SEPTIN6: variants seen among roughly 807,000 people sequenced by gnomAD.
SEPTIN6 encodes the protein septin-6.
Under a neutral mutation model 33.6 loss-of-function variants are expected in SEPTIN6, and 8 were observed. The observed-to-expected ratio is 0.24, with a 90% CI of 0.14 to 0.43. SEPTIN6 has a LOEUF of 0.43. Ranked by LOEUF, SEPTIN6 falls within the 20% of genes least tolerant of loss-of-function variation. The probability of loss-of-function intolerance (pLI) is 1.00; values close to 1 mark genes in which losing one functional copy is unlikely to be tolerated. For synonymous variants in SEPTIN6, 131 were observed against 140.0 expected (o/e 0.94, Z 0.45); for missense variants, 250 against 340.8 (o/e 0.73, Z 2.10).
At chrX:119,678,943 TTTC>T (rs905137459) in intron 1 of SEPTIN6, among the ~76,000 whole-genome samples, 1 of 110,338 alleles carries the variant, frequency 9.1e-6, no homozygotes, top group South Asian at 3.8e-4. Flanking sequence ...AAGAAAAAAT[TTTC>T]TTTTCTTTCC....
intron 7 of SEPTIN6, among the ~76,000 whole-genome samples, chrX:119,634,549 G>C (rs1312357575): frequency 9.0e-6 from 1 of 111,081 alleles, no homozygotes; most frequent in Non-Finnish European, 1.9e-5. Context: ...AAGTTCCTGA[G>C]CCTGGAGGAA....
intron 2 of SEPTIN6, among the ~76,000 whole-genome samples, chrX:119,672,829 C>T (rs996647796): frequency 1.8e-5 from 2 of 111,944 alleles, no homozygotes; most frequent in Non-Finnish European, 3.8e-5. Context: ...CTAATCATAA[C>T]CATCAGTTAG....
Position 119,619,984 on chromosome X carries a change from G to A in SEPTIN6, c.*109C>T. ...ATTGTATGCCCCCCAGGCATGTTAA[G>A]GGGGAAATTAGAGAAAGGGAGGCCC... On this transcript the variant is annotated 3_prime_UTR_variant, in exon 11 of 11. Transcript: ENST00000394610. 8.3e-7 allele frequency: 1 copy of A among 1,204,578 alleles called. No individual in the cohort carries two copies. Among genetic ancestry groups the A allele is most frequent in the Non-Finnish European group, 1.1e-6 (1 of 893,214 alleles).
chrX:119,617,371 AATTTATGTTCACTCATGGGTTCG>A lies in SEPTIN6; in HGVS notation c.*2699_*2721del. 1.2e-6 allele frequency: 1 copy of A among 804,191 alleles called. No individual in the cohort carries two copies. The highest frequency in any genetic ancestry group is 1.5e-6 in the Non-Finnish European group (1 of 670,023). The allele number at this position is 804,191 out of a possible 1,213,427, so 66.3% of individuals were successfully genotyped here. A position where few individuals can be genotyped will look rare whatever the true frequency, so the allele number is the denominator to read the frequency against. On this transcript the variant is annotated 3_prime_UTR_variant, in exon 11 of 11. Coordinates refer to ENST00000394610, the MANE Select transcript of SEPTIN6 (RefSeq NM_145799.4). The stretch of plus-strand genomic sequence containing the variant: ...ATTTTAATAGGTTGATCAACTTTTT[AATTTATGTTCACTCATGGGTTCG>A]ATTTTTGTTCACCAAACTTCCCTGA...
chrX:119,668,727 A>G (rs1484858019), intron 2 of SEPTIN6, among the ~76,000 whole-genome samples: 1 of 111,855 alleles, frequency 8.9e-6, no homozygotes, highest in Non-Finnish European at 1.9e-5. Context: ...TTGAAGCAGG[A>G]GGATCAGTTG....
intron 2 of SEPTIN6, among the ~76,000 whole-genome samples, chrX:119,672,192 T>C (rs1387163847): frequency 8.9e-6 from 1 of 111,793 alleles, no homozygotes; most frequent in Non-Finnish European, 1.9e-5. Flanking sequence ...AGCCATTTCC[T>C]GAAACTTGAC....
rs548401282 is a variant in SEPTIN6 at position 119,684,136 on chromosome X, G to A, written c.31-8468C>T. The stretch of plus-strand genomic sequence containing the variant: ...TGTATTTTTAGTTTAGTAGAGATGG[G>A]GTTTCACCATGTTGGCCAGGCTGGT... On this transcript the variant is annotated intron_variant, in intron 1 of 10. Coordinates refer to ENST00000394610, the MANE Select transcript of SEPTIN6 (RefSeq NM_145799.4). 1.9e-4 allele frequency among the ~76,000 whole-genome samples: 21 copies of A among 110,228 alleles called. No homozygotes were observed. The South Asian group carries it at 8.0e-3, about 42-fold the overall frequency.
chrX:119,658,487 C>G (rs752072636), intron 3 of SEPTIN6, among the ~76,000 whole-genome samples: 24 of 112,017 alleles, frequency 2.1e-4, no homozygotes, highest in Admixed American at 1.8e-3. Flanking sequence ...ATAACCAAAG[C>G]TACAGTGAAC....
chrX:119,688,704 C>G (rs2055100730), intron 1 of SEPTIN6, among the ~76,000 whole-genome samples: 1 of 90,829 alleles, frequency 1.1e-5, no homozygotes, highest in African/African-American at 5.5e-5. Context: ...AAGACTCCAT[C>G]TCGGGGAAAA....
chrX:119,660,202 C>T (rs902613625), intron 3 of SEPTIN6, among the ~76,000 whole-genome samples: 3 of 112,409 alleles, frequency 2.7e-5, no homozygotes, highest in South Asian at 3.6e-4. Context: ...GGTAGCTTTC[C>T]GCAGTATCCG....
In SEPTIN6 at chrX:119,644,357, CTACAG is replaced by C. The variant is rs1465859433; in HGVS notation, c.691-3574_691-3570del. Among the ~76,000 whole-genome samples, 12 of 110,738 alleles carry C rather than the reference CTACAG, an allele frequency of 1.1e-4. No homozygotes were observed. The Admixed American group carries it at 1.2e-3, about 11-fold the overall frequency. On this transcript the variant is annotated intron_variant, in intron 5 of 10. Coordinates refer to ENST00000394610, the MANE Select transcript of SEPTIN6 (RefSeq NM_145799.4). ...ATCTGTCTTAGTGCATTTTGTCTTG[CTACAG>C]TAAACTACCTGAGACTGAGTAATTT... is the stretch of plus-strand genomic sequence containing the variant.
intron 10 of SEPTIN6, 36 bp from the exon 11 acceptor site, chrX:119,620,087 A>G (rs1159385364): frequency 9.7e-7 from 1 of 1,028,873 alleles, no homozygotes; most frequent in South Asian, 2.0e-5. Flanking sequence ...TAATGAATGG[A>G]TAGATTAATG....
chrX:119,625,631 C>A (rs901291131), intron 9 of SEPTIN6, among the ~76,000 whole-genome samples: 4 of 108,805 alleles, frequency 3.7e-5, no homozygotes, highest in Non-Finnish European at 7.6e-5. Flanking sequence ...CAGCCTCAAC[C>A]TCCCGGGTTC....
At chrX:119,667,534 C>T (rs1484531434) in intron 2 of SEPTIN6, among the ~76,000 whole-genome samples, 2 of 111,549 alleles carry the variant, frequency 1.8e-5, no homozygotes, top group African/African-American at 6.5e-5. Context: ...GAAAATCAAG[C>T]GAGCTCATCC....
At chrX:119,648,142 C>G (rs1417313001) in intron 5 of SEPTIN6, among the ~76,000 whole-genome samples, 4 of 109,795 alleles carry the variant, frequency 3.6e-5, no homozygotes, top group African/African-American at 1.3e-4. Context: ...GTTGAGCCTA[C>G]CCTAGGCTTA....
intron 10 of SEPTIN6, among the ~76,000 whole-genome samples, chrX:119,623,534 A>T (rs946729238): frequency 9.0e-6 from 1 of 111,715 alleles, no homozygotes. Context: ...GGTAAAGTTT[A>T]AAAAAAATAA....
In SEPTIN6 at chrX:119,618,527, T is replaced by C. The variant is rs1282998694; in HGVS notation, c.*1566A>G. The C allele has an allele frequency of 1.1e-6, 1 of 940,304 alleles. No homozygotes were observed. The highest frequency in any genetic ancestry group is 2.1e-5 in the African/African-American group (1 of 48,333). 77.5% of individuals were successfully genotyped at this position (940,304 alleles called of 1,213,427 possible). ...GACTGTGTGCTTTGAAAGTAAGTGATCAAAAAAAGAAACTCTAAAAAAAAA... is the reference window on the plus strand; with the variant it reads ...GACTGTGTGCTTTGAAAGTAAGTGACCAAAAAAAGAAACTCTAAAAAAAAA... On this transcript the variant is annotated 3_prime_UTR_variant, in exon 11 of 11. Coordinates refer to ENST00000394610, the MANE Select transcript of SEPTIN6 (RefSeq NM_145799.4).
At chrX:119,627,210 T>A (rs780682527) in intron 9 of SEPTIN6, among the ~76,000 whole-genome samples, 1 of 110,857 alleles carries the variant, frequency 9.0e-6, no homozygotes, top group Non-Finnish European at 1.9e-5. Context: ...ACCTTTTGGA[T>A]CCTCAGTACC....
chrX:119,672,146 T>C (rs2054760280), intron 2 of SEPTIN6, among the ~76,000 whole-genome samples: 1 of 111,647 alleles, frequency 9.0e-6, no homozygotes, highest in African/African-American at 3.3e-5. Flanking sequence ...TATCCAATGG[T>C]TGCACCTGTG....
Sources: gnomAD v4.1 joint callset for allele counts (sites outside exome capture counted in the v4.1 genomes callset) on GRCh38, gnomAD v4.1.1 for gene constraint, MANE v1.5 for transcripts, NCBI Gene and HGNC (gene_info 2026-07-23, HGNC 2026-07-21) for gene names.